ATG4C: variants seen among roughly 807,000 people sequenced by gnomAD.
ATG4C encodes the protein autophagy related 4C cysteine peptidase, also known as cysteine protease ATG4C.
ATG4C carries 56 observed loss-of-function variants against 57.6 expected under a neutral mutation model. That is an observed-to-expected ratio of 0.97 (90% CI 0.78 to 1.21). ATG4C has a LOEUF of 1.21. Among genes scored for constraint, ATG4C ranks in the 50% most tolerant of loss-of-function variants. The pLI, the probability that ATG4C is intolerant of heterozygous loss-of-function variation, is 0.00. For missense variants in ATG4C, 595 were observed against 529.8 expected, an observed-to-expected ratio of 1.12 and a Z score of -1.21; for synonymous variants, 157 against 174.1, an observed-to-expected ratio of 0.90 and a Z score of 0.78.
intron 1 of ATG4C, among the ~76,000 whole-genome samples, chr1:62,788,413 G>T (rs1664156520): frequency 6.8e-6 from 1 of 147,888 alleles, no homozygotes; most frequent in Non-Finnish European, 1.5e-5. Flanking sequence ...GACAAGTGCT[G>T]TTTCTCTCTC....
intron 10 of ATG4C, among the ~76,000 whole-genome samples, chr1:62,842,631 T>G (rs1490468269): frequency 6.6e-6 from 1 of 152,202 alleles, no homozygotes; most frequent in African/African-American, 2.4e-5. Flanking sequence ...AGTTGAAATT[T>G]TATTTTTACA....
intron 10 of ATG4C, among the ~76,000 whole-genome samples, chr1:62,847,873 T>C (rs1327100436): frequency 6.6e-6 from 1 of 152,154 alleles, no homozygotes; most frequent in East Asian, 1.9e-4. Context: ...TATGATGAAG[T>C]CAGGTTTACT....
At chr1:62,862,037 T>C (rs1257466294) in intron 10 of ATG4C, among the ~76,000 whole-genome samples, 4 of 152,224 alleles carry the variant, frequency 2.6e-5, no homozygotes, top group African/African-American at 9.6e-5. Flanking sequence ...CAGGATTTTA[T>C]GTGGACATAA....
intron 1 of ATG4C, among the ~76,000 whole-genome samples, chr1:62,785,755 A>G (rs1056233308): frequency 1.3e-5 from 2 of 152,206 alleles, no homozygotes; most frequent in Admixed American, 6.5e-5. Flanking sequence ...AAATATAAAT[A>G]TTAATACTGG....
At chr1:62,814,929 G>A (rs60829308) in intron 3 of ATG4C, among the ~76,000 whole-genome samples, 5,855 of 152,186 alleles carry the variant, frequency 0.038, 388 homozygotes, top group African/African-American at 0.13. Flanking sequence ...GCCTGGCGTT[G>A]TGGTGCATGC....
chr1:62,800,887 A>C (rs187209473), intron 1 of ATG4C, among the ~76,000 whole-genome samples: 14 of 152,170 alleles, frequency 9.2e-5, no homozygotes, highest in South Asian at 2.1e-4. Context: ...ATCTTAGTTT[A>C]AAGTTTAGAG....
intron 3 of ATG4C, among the ~76,000 whole-genome samples, chr1:62,809,359 TAATA>T (rs1221909981): frequency 6.7e-6 from 1 of 148,866 alleles, no homozygotes; most frequent in Non-Finnish European, 1.5e-5. Flanking sequence ...TATACATATA[TAATA>T]AATATATGTA....
At chr1:62,848,002 C>A (rs1666381979) in intron 10 of ATG4C, among the ~76,000 whole-genome samples, 1 of 152,182 alleles carries the variant, frequency 6.6e-6, no homozygotes, top group Non-Finnish European at 1.5e-5. Context: ...TTCCTCCCTA[C>A]CTCCCCTCAT....
At chr1:62,851,256 G>T (rs1374751599) in intron 10 of ATG4C, among the ~76,000 whole-genome samples, 1 of 151,906 alleles carries the variant, frequency 6.6e-6, no homozygotes, top group African/African-American at 2.4e-5. Flanking sequence ...AATATGTTTT[G>T]TTCAAAAAAT....
chr1:62,828,073 C>G (rs974650887), intron 6 of ATG4C, among the ~76,000 whole-genome samples: 29 of 152,240 alleles, frequency 1.9e-4, no homozygotes, highest in Non-Finnish European at 3.5e-4. Context: ...TAGGTTGATT[C>G]TGTGTCTTTG....
intron 3 of ATG4C, among the ~76,000 whole-genome samples, chr1:62,806,886 C>T (rs999974348): frequency 6.6e-6 from 1 of 152,136 alleles, no homozygotes; most frequent in Non-Finnish European, 1.5e-5. Flanking sequence ...AAACCTTAAG[C>T]TGTGAAGAAT....
At chr1:62,785,090 T>G (rs1159242809) in intron 1 of ATG4C, 3 of 152,206 alleles carry the variant, frequency 2.0e-5, no homozygotes, top group Non-Finnish European at 4.4e-5. Context: ...ACTTAGGAGT[T>G]TTCTTATGTT....
chr1:62,804,465 C>A (rs971390470), intron 2 of ATG4C, among the ~76,000 whole-genome samples: 10 of 149,104 alleles, frequency 6.7e-5, no homozygotes, highest in African/African-American at 2.5e-4. Flanking sequence ...TTTTAGCGTT[C>A]TAAAACATAT....
chr1:62,853,370 ACAT>A (rs1666579259), intron 10 of ATG4C, among the ~76,000 whole-genome samples: 1 of 152,222 alleles, frequency 6.6e-6, no homozygotes, highest in African/African-American at 2.4e-5. Context: ...GTTCTCTGTA[ACAT>A]CATTATGAGG....
intron 10 of ATG4C, among the ~76,000 whole-genome samples, chr1:62,845,809 C>T (rs1190462707): frequency 6.6e-6 from 1 of 152,132 alleles, no homozygotes; most frequent in East Asian, 1.9e-4. Flanking sequence ...TCAAGCAATT[C>T]TCCTGCCTCA....
intron 10 of ATG4C, among the ~76,000 whole-genome samples, chr1:62,859,380 G>A (rs1313923700): frequency 6.6e-6 from 1 of 152,164 alleles, no homozygotes; most frequent in African/African-American, 2.4e-5. Flanking sequence ...GCATGTTACT[G>A]TACTGAATAC....
intron 1 of ATG4C, among the ~76,000 whole-genome samples, chr1:62,793,618 A>AAAAAAAAAAAAAAAC (rs1553221617): frequency 1.9e-5 from 2 of 104,054 alleles, no homozygotes; most frequent in African/African-American, 3.9e-5. Flanking sequence ...AAAAAAAAAA[A>AAAAAAAAAAAAAAAC]AACCAAAAAA....
chr1:62,827,478 T>C (rs796576321), intron 6 of ATG4C, among the ~76,000 whole-genome samples: 1 of 152,290 alleles, frequency 6.6e-6, no homozygotes, highest in African/African-American at 2.4e-5. Flanking sequence ...CAGCATTTCC[T>C]GTTCACTCTT....
chr1:62,852,189 G>T (rs1045944456), intron 10 of ATG4C, among the ~76,000 whole-genome samples: 2 of 152,152 alleles, frequency 1.3e-5, no homozygotes, highest in Admixed American at 1.3e-4. Flanking sequence ...CCCGGAGTAA[G>T]GTATACTCAT....
Sources: gnomAD v4.1 joint callset for allele counts (sites outside exome capture counted in the v4.1 genomes callset) on GRCh38, gnomAD v4.1.1 for gene constraint, MANE v1.5 for transcripts, NCBI Gene and HGNC (gene_info 2026-07-23, HGNC 2026-07-21) for gene names.